PROSER1: variants seen among roughly 807,000 people sequenced by gnomAD.
The protein encoded by PROSER1 is proline and serine-rich protein 1.
Under a neutral mutation model 71.8 loss-of-function variants are expected in PROSER1, and 36 were observed. That is an observed-to-expected ratio of 0.50 (90% CI 0.38 to 0.66). PROSER1 has a LOEUF of 0.66. Among genes scored for constraint, PROSER1 ranks in the 30% least tolerant of loss-of-function variants. The pLI is 0.00. For missense variants in PROSER1, 1,107 were observed against 1,135.0 expected, an observed-to-expected ratio of 0.98 and a Z score of 0.35; for synonymous variants, 490 against 452.4, an observed-to-expected ratio of 1.08 and a Z score of -1.06.
At chr13:39,018,491 C>CACACACACACACACACAA (rs1555238988) in intron 9 of PROSER1, among the ~76,000 whole-genome samples, 48 of 144,836 alleles carry the variant, frequency 3.3e-4, no homozygotes, top group African/African-American at 1.2e-3. Context: ...CACACACACA[C>CACACACACACACACACAA]ACACACACAC....
In PROSER1 at chr13:39,022,428, A is replaced by G; in HGVS notation, c.644-16T>C. 6.5e-7 allele frequency: 1 copy of G among 1,547,960 alleles called. No homozygotes were observed. The highest frequency in any genetic ancestry group is 8.9e-7 in the Non-Finnish European group (1 of 1,119,798). On this transcript the variant is annotated splice_polypyrimidine_tract_variant and intron_variant, in intron 8 of 12. Transcript: ENST00000352251. ...TTATAAGCACCTAAAATAAAAACAC[A>G]ATAGAAAAAAATATACCTTAGGACT...
Position 39,013,923 on chromosome 13 carries a change from T to A in PROSER1, c.1329A>T (p.Leu443=), listed in dbSNP as rs377427960. Residue 443 remains leucine (L), a synonymous_variant, in exon 11 of 13, where the codon CTA becomes CTT. Coordinates refer to ENST00000352251, the MANE Select transcript of PROSER1 (RefSeq NM_025138.5). ...CAGCAATTACAGGAGTCGGGTTGGA[T>A]AGGCCTTGGGATGTTGGTGGTAAGG... The part of the protein sequence containing the change: ...PLPLPPTSQG[L]SNPTPVIAGG... 2 of 1,613,970 alleles carry A rather than the reference T, an allele frequency of 1.2e-6. No individual in the cohort carries two copies. The highest frequency in any genetic ancestry group is 2.7e-5 in the African/African-American group (2 of 74,876).
In PROSER1 at chr13:39,022,521, A is replaced by G; in HGVS notation, c.644-109T>C. 5 of 717,674 alleles carry G rather than the reference A, an allele frequency of 7.0e-6. No homozygotes were observed. In the South Asian group the frequency reaches 8.6e-5, roughly 12 times the overall value. The allele number at this position is 717,674 out of a possible 1,614,324, so 44.5% of individuals were successfully genotyped here. A position where few individuals can be genotyped will look rare whatever the true frequency, so the allele number is the denominator to read the frequency against. On this transcript the variant is annotated intron_variant, in intron 8 of 12. Transcript: ENST00000352251. ...TATTAATGCAGCTATTCAATTTATT[A>G]TAAAAACTCCTATTTAATACAGTTG... is the stretch of plus-strand genomic sequence containing the variant.
intron 7 of PROSER1, 57 bp from the exon 8 acceptor site, chr13:39,023,187 G>A: frequency 1.5e-6 from 2 of 1,322,210 alleles, no homozygotes; most frequent in Admixed American, 3.4e-5. Flanking sequence ...CTGTCTCCTG[G>A]CAACTTGTCT....
chr13:39,024,935 C>A (rs903495926), intron 6 of PROSER1, among the ~76,000 whole-genome samples: 2 of 152,098 alleles, frequency 1.3e-5, no homozygotes, highest in African/African-American at 4.8e-5. Context: ...ACATATCCAC[C>A]CATATACTTT....
rs182494584 is a variant in PROSER1 at position 39,024,096 on chromosome 13, T to C, written c.564+377A>G. ...TCCTGTCCTGTTTACATTGCAATCA[T>C]TATAATCACTATCTTGTAAATACTT... is the stretch of plus-strand genomic sequence containing the variant. On this transcript the variant is annotated intron_variant, in intron 7 of 12. Transcript: ENST00000352251. Among the ~76,000 whole-genome samples, 36 of 149,668 alleles carry C rather than the reference T, an allele frequency of 2.4e-4. No homozygotes were observed. The East Asian group carries it at 6.0e-3, about 25-fold the overall frequency.
chr13:39,016,097 T>G (rs1869996723), intron 10 of PROSER1, among the ~76,000 whole-genome samples: 1 of 152,192 alleles, frequency 6.6e-6, no homozygotes, highest in Non-Finnish European at 1.5e-5. Context: ...GATCTTTTTA[T>G]TTAATAAAGC....
rs774268197 is a variant in PROSER1, at chr13:39,011,197, C to A, written c.*168G>T. 1 of 671,918 alleles carries A rather than the reference C, an allele frequency of 1.5e-6. No individual in the cohort carries two copies. The highest frequency in any genetic ancestry group is 2.6e-6 in the Non-Finnish European group (1 of 385,014). The allele number at this position is 671,918 out of a possible 1,614,324, so 41.6% of individuals were successfully genotyped here. ...CAGCATATTTACATAGGGGAGTGTTCACACTTTAAAATGCAACCACAATTT... is the reference window on the plus strand; with the variant it reads ...CAGCATATTTACATAGGGGAGTGTTAACACTTTAAAATGCAACCACAATTT... On this transcript the variant is annotated 3_prime_UTR_variant, in exon 13 of 13. Coordinates refer to ENST00000352251, the MANE Select transcript of PROSER1 (RefSeq NM_025138.5).
chr13:39,012,847 G>C lies in PROSER1; in HGVS notation c.2405C>G (p.Ala802Gly), dbSNP rs147842168. Residue 802 changes from alanine (A) to glycine (G), a missense_variant, in exon 11 of 13, where the codon GCT (alanine) becomes GGT (glycine). Coordinates refer to ENST00000352251, the MANE Select transcript of PROSER1 (RefSeq NM_025138.5). ...CTGCAGCCCCGGGAATGAGGGAAGA[G>C]CAGGGGTAACGCTTGGGGTATTAGA... ...SVSNTPSVTP[A>G]LPSFPGLQAP... 6.8e-6 allele frequency: 11 copies of C among 1,614,108 alleles called. No individual in the cohort carries two copies. Among genetic ancestry groups the C allele is most frequent in the Non-Finnish European group, 9.3e-6 (11 of 1,180,054 alleles).
rs771844618 is a variant in PROSER1 at position 39,011,308 on chromosome 13, T to C, written c.*57A>G. The C allele has an allele frequency of 1.5e-5, 24 of 1,576,292 alleles. No individual in the cohort carries two copies. Among genetic ancestry groups the C allele is most frequent in the East Asian group, 6.7e-5 (3 of 44,544 alleles). On this transcript the variant is annotated 3_prime_UTR_variant, in exon 13 of 13. Transcript: ENST00000352251. ...AGCTTCACATTTGTCAGATTGTTCA[T>C]TGCAGTTCTCAGGCAATTCTGATGT... is the stretch of plus-strand genomic sequence containing the variant.
At chr13:39,034,855 T>C (rs1871024232) in intron 1 of PROSER1, among the ~76,000 whole-genome samples, 1 of 152,224 alleles carries the variant, frequency 6.6e-6, no homozygotes, top group African/African-American at 2.4e-5. Flanking sequence ...ATGTGACATA[T>C]AACAGGTATT....
intron 9 of PROSER1, among the ~76,000 whole-genome samples, chr13:39,019,489 C>T (rs1268037346): frequency 7.8e-6 from 1 of 128,214 alleles, no homozygotes; most frequent in African/African-American, 3.1e-5. Context: ...GCACTTTAGC[C>T]TGGGCAACAA....
Position 39,037,249 on chromosome 13 carries a change from T to G in PROSER1, c.-7A>C. On this transcript the variant is annotated 5_prime_UTR_variant, in exon 1 of 13. Transcript: ENST00000352251. ...CAAAGGACTTTTTATCCATCTTGAC[T>G]ACTATCCCGACGTGGTTTTAACAGT... 1 of 1,607,210 alleles carries G rather than the reference T, an allele frequency of 6.2e-7. No individual in the cohort carries two copies.
At position 39,014,086 on chromosome 13, in the gene PROSER1, G is replaced by A; in HGVS notation, c.1166C>T (p.Thr389Ile). The change falls in exon 11 of 13, where the codon ACT becomes ATT. Residue 389 changes from threonine (T) to isoleucine (I), a missense_variant. Thr to Ile is a moderately conservative substitution (Grantham distance 89). Coordinates refer to ENST00000352251, the MANE Select transcript of PROSER1 (RefSeq NM_025138.5). The stretch of plus-strand genomic sequence containing the variant: ...AGCAAATGCTTCACTGGAACCAAGA[G>A]TGGACCGTGGTGTAGGTCCTGGGGT... The part of the protein sequence containing the change: ...TPTPGPTPRS[T>I]LGSSEAFAST... 1.2e-6 allele frequency: 2 copies of A among 1,614,232 alleles called. No homozygotes were observed. The highest frequency in any genetic ancestry group is 1.7e-6 in the Non-Finnish European group (2 of 1,180,038).
intron 10 of PROSER1, among the ~76,000 whole-genome samples, chr13:39,017,226 T>G (rs1298725768): frequency 1.3e-5 from 2 of 152,248 alleles, no homozygotes; most frequent in Admixed American, 6.5e-5. Flanking sequence ...TGAATGTGAA[T>G]GCAAAGCTAC....
At chr13:39,035,743 T>C (rs1321040283) in intron 1 of PROSER1, among the ~76,000 whole-genome samples, 1 of 152,234 alleles carries the variant, frequency 6.6e-6, no homozygotes, top group Non-Finnish European at 1.5e-5. Context: ...ACTCAAGAGA[T>C]GACCTGGTTT....
At chr13:39,017,753 C>G (rs1002036454) in intron 9 of PROSER1, 3 of 425,544 alleles carry the variant, frequency 7.0e-6, no homozygotes, top group African/African-American at 4.2e-5. Context: ...ATCTGAAGAG[C>G]AAGAGGATTA....
intron 12 of PROSER1, among the ~76,000 whole-genome samples, chr13:39,011,724 A>C (rs1032630100): frequency 6.6e-6 from 1 of 152,242 alleles, no homozygotes; most frequent in African/African-American, 2.4e-5. Context: ...TCAAAAGTCA[A>C]TAGGTTTTCT....
At chr13:39,018,427 C>A (rs74563540) in intron 9 of PROSER1, among the ~76,000 whole-genome samples, 5,034 of 150,768 alleles carry the variant, frequency 0.033, 122 homozygotes, top group South Asian at 0.056. Context: ...AAAATAACCA[C>A]CAGAACAATG....
Sources: gnomAD v4.1 joint callset for allele counts (sites outside exome capture counted in the v4.1 genomes callset) on GRCh38, gnomAD v4.1.1 for gene constraint, MANE v1.5 for transcripts, NCBI Gene and HGNC (gene_info 2026-07-23, HGNC 2026-07-21) for gene names.